Variants in PTPRD observed in about 807,000 individuals in gnomAD.
The protein encoded by PTPRD is receptor-type tyrosine-protein phosphatase delta.
A neutral mutation model predicts 214.5 loss-of-function variants in PTPRD; 34 were observed. That is an observed-to-expected ratio of 0.16 (90% CI 0.12 to 0.21). The LOEUF (loss-of-function observed/expected upper bound fraction) is 0.21. Ranked by LOEUF, PTPRD falls within the 10% of genes least tolerant of loss-of-function variation. The pLI is 1.00. For synonymous variants in PTPRD, 1,128 were observed against 845.7 expected, an observed-to-expected ratio of 1.33 and a Z score of -5.79; for missense variants, 2,545 against 2,398.7, an observed-to-expected ratio of 1.06 and a Z score of -1.27.
Position 10,080,047 on chromosome 9 carries a change from G to C in PTPRD, c.-544-46257C>G, listed in dbSNP as rs189396055. Among the ~76,000 whole-genome samples the C allele has an allele frequency of 1.9e-3, 290 of 151,300 alleles. 3 individuals carry two copies. Among genetic ancestry groups the C allele is most frequent in the Non-Finnish European group, 1.7e-3 (115 of 67,900 alleles). ...TGTAACAGCAGAGAACATAACTTAAGAGACAACAAACACAAATAGAGAAGA... is the reference window on the plus strand; with the variant it reads ...TGTAACAGCAGAGAACATAACTTAACAGACAACAAACACAAATAGAGAAGA... On this transcript the variant is annotated intron_variant, in intron 3 of 45. Transcript: ENST00000381196.
intron 10 of PTPRD, among the ~76,000 whole-genome samples, chr9:9,035,502 G>C (rs573439441): frequency 1.4e-4 from 22 of 151,968 alleles, no homozygotes; most frequent in African/African-American, 5.3e-4. Flanking sequence ...ACATCAGCTT[G>C]CGCCATGCTC....
intron 11 of PTPRD, among the ~76,000 whole-genome samples, chr9:8,788,033 G>A (rs540857418): frequency 6.6e-6 from 1 of 152,182 alleles, no homozygotes; most frequent in Non-Finnish European, 1.5e-5. Flanking sequence ...ATCCAGTTTA[G>A]TTACTTACTT....
intron 3 of PTPRD, among the ~76,000 whole-genome samples, chr9:10,158,288 G>A (rs548404087): frequency 2.6e-4 from 40 of 152,224 alleles, no homozygotes; most frequent in East Asian, 2.1e-3. Context: ...GGTTACAGGC[G>A]TGAGCCACTG....
chr9:9,713,224 C>G (rs2097766620), intron 7 of PTPRD, among the ~76,000 whole-genome samples: 1 of 152,154 alleles, frequency 6.6e-6, no homozygotes, highest in Admixed American at 6.5e-5. Flanking sequence ...TACTCTATGT[C>G]TGCCTAAGAA....
At chr9:9,268,180 A>G (rs1941014395) in intron 9 of PTPRD, among the ~76,000 whole-genome samples, 1 of 151,286 alleles carries the variant, frequency 6.6e-6, no homozygotes, top group Admixed American at 6.6e-5. Flanking sequence ...AGGATAAAAA[A>G]TCAGCACGAA....
intron 12 of PTPRD, among the ~76,000 whole-genome samples, chr9:8,640,462 A>T (rs1233406919): frequency 6.6e-6 from 1 of 151,998 alleles, no homozygotes; most frequent in Non-Finnish European, 1.5e-5. Context: ...ACTGTGGTAA[A>T]CTTATTAAAA....
At chr9:9,045,605 T>C (rs576782650) in intron 10 of PTPRD, among the ~76,000 whole-genome samples, 2 of 152,236 alleles carry the variant, frequency 1.3e-5, no homozygotes, top group African/African-American at 2.4e-5. Flanking sequence ...AGCTGAGCTT[T>C]GAATGACACA....
intron 12 of PTPRD, among the ~76,000 whole-genome samples, chr9:8,680,575 C>T (rs564375589): frequency 6.6e-6 from 1 of 152,224 alleles, no homozygotes; most frequent in Non-Finnish European, 1.5e-5. Context: ...AGTATATATA[C>T]ACACAAACAT....
intron 9 of PTPRD, among the ~76,000 whole-genome samples, chr9:9,315,077 T>C (rs1961879888): frequency 6.6e-6 from 1 of 152,148 alleles, no homozygotes. Context: ...CCAACTAAAG[T>C]TGTCATTTAG....
rs189032492 is a variant in PTPRD at position 10,119,804 on chromosome 9, A to G, written c.-544-86014T>C. Among the ~76,000 whole-genome samples, 25 of 152,178 alleles carry G rather than the reference A, an allele frequency of 1.6e-4. No individual in the cohort carries two copies. In the East Asian group the frequency reaches 2.1e-3, roughly 13 times the overall value. On this transcript the variant is annotated intron_variant, in intron 3 of 45. Transcript: ENST00000381196. Reference sequence around the variant, plus strand: ...TCATGTGCATTACTATTAGTTATCTACAATGTACAGAGTTGTAACATAGCT... The same window carrying G: ...TCATGTGCATTACTATTAGTTATCTGCAATGTACAGAGTTGTAACATAGCT...
Position 9,239,322 on chromosome 9 carries a change from T to C in PTPRD, c.-202-55959A>G, listed in dbSNP as rs149263157. Among the ~76,000 whole-genome samples the C allele has an allele frequency of 5.1e-3, 775 of 152,196 alleles. 6 individuals are homozygous for C. The highest frequency in any genetic ancestry group is 0.018 in the African/African-American group (751 of 41,556). The stretch of plus-strand genomic sequence containing the variant: ...AAGATAATTTTAAATTTTTTGGTCA[T>C]ATAAAAGTAGGAATGTCTTCTGAAT... On this transcript the variant is annotated intron_variant, in intron 9 of 45. Coordinates refer to ENST00000381196, the MANE Select transcript of PTPRD (RefSeq NM_002839.4).
intron 5 of PTPRD, among the ~76,000 whole-genome samples, chr9:9,883,504 T>C (rs372071656): frequency 9.5e-4 from 144 of 152,266 alleles, no homozygotes; most frequent in African/African-American, 3.4e-3. Context: ...TGTGCAAAGA[T>C]GTTTCAGGTA....
chr9:9,510,415 T>A (rs1193036403), intron 8 of PTPRD, among the ~76,000 whole-genome samples: 3 of 151,710 alleles, frequency 2.0e-5, no homozygotes, highest in African/African-American at 4.8e-5. Context: ...GCATGTTGAA[T>A]TAAATTGTGA....
At chr9:9,291,725 T>C (rs959222682) in intron 9 of PTPRD, among the ~76,000 whole-genome samples, 1 of 151,146 alleles carries the variant, frequency 6.6e-6, no homozygotes, top group South Asian at 2.1e-4. Context: ...TTACTTTTTT[T>C]CAAAATGTCA....
At chr9:8,898,818 G>T (rs1198000947) in intron 11 of PTPRD, among the ~76,000 whole-genome samples, 1 of 152,004 alleles carries the variant, frequency 6.6e-6, no homozygotes, top group Non-Finnish European at 1.5e-5. Flanking sequence ...TCTGTGAAAG[G>T]TCATATTAAG....
chr9:9,500,777 G>A (rs1323855029), intron 8 of PTPRD, among the ~76,000 whole-genome samples: 1 of 152,016 alleles, frequency 6.6e-6, no homozygotes, highest in African/African-American at 2.4e-5. Context: ...AAAGACAGAT[G>A]AATGTTTAAA....
At chr9:10,142,434 A>G (rs946006152) in intron 3 of PTPRD, among the ~76,000 whole-genome samples, 22 of 152,202 alleles carry the variant, frequency 1.4e-4, no homozygotes, top group African/African-American at 5.3e-4. Context: ...ACGAGAAAAA[A>G]ACAAACAACT....
chr9:8,958,300 T>C (rs1164552582), intron 11 of PTPRD, among the ~76,000 whole-genome samples: 1 of 151,996 alleles, frequency 6.6e-6, no homozygotes, highest in Non-Finnish European at 1.5e-5. Flanking sequence ...AAATGTTCCA[T>C]ATACTTCTTC....
At chr9:8,626,242 T>C (rs1023508416) in intron 14 of PTPRD, among the ~76,000 whole-genome samples, 1 of 151,916 alleles carries the variant, frequency 6.6e-6, no homozygotes, top group African/African-American at 2.4e-5. Flanking sequence ...ACCTCAATTA[T>C]GTATGAATGA....
Sources: gnomAD v4.1 joint callset for allele counts (sites outside exome capture counted in the v4.1 genomes callset) on GRCh38, gnomAD v4.1.1 for gene constraint, MANE v1.5 for transcripts, NCBI Gene and HGNC (gene_info 2026-07-23, HGNC 2026-07-21) for gene names.